Variants in NXPH1 observed in about 807,000 individuals in gnomAD.
The protein encoded by NXPH1 is neurexophilin 1, also known as neurexophilin-1.
In NXPH1, 5 loss-of-function variants were observed where a neutral mutation model predicts 23.7. The observed-to-expected ratio is 0.21, with a 90% CI of 0.11 to 0.44. The LOEUF (loss-of-function observed/expected upper bound fraction) is 0.44. NXPH1 is among the 20% of genes least tolerant of loss of function. The pLI is 0.99. For synonymous variants in NXPH1, 144 were observed against 122.2 expected (o/e 1.18, Z -1.18); for missense variants, 324 against 321.6 (o/e 1.01, Z -0.06).
At chr7:8,606,757 A>G (rs370616481) in intron 2 of NXPH1, among the ~76,000 whole-genome samples, 1 of 152,140 alleles carries the variant, frequency 6.6e-6, no homozygotes, top group Non-Finnish European at 1.5e-5. Flanking sequence ...ATATCCTCCT[A>G]GTCCAGTGAA....
Position 8,655,396 on chromosome 7 carries a change from GTCTT to G in NXPH1, c.55-95608_55-95605del, listed in dbSNP as rs1259393514. Among the ~76,000 whole-genome samples, 53 of 139,240 alleles carry G rather than the reference GTCTT, an allele frequency of 3.8e-4. 1 individual carries two copies. The highest frequency in any genetic ancestry group is 1.4e-3 in the African/African-American group (51 of 35,720). The allele number at this position is 139,240 out of a possible 152,430, so 91.3% of individuals were successfully genotyped here. A position where few individuals can be genotyped will look rare whatever the true frequency, so the allele number is the denominator to read the frequency against. On this transcript the variant is annotated intron_variant, in intron 2 of 2. Coordinates refer to ENST00000405863, the MANE Select transcript of NXPH1 (RefSeq NM_152745.3). ...GGAGTCTGTCTCTGTCTTTGTCTTT[GTCTT>G]TCTCTCTCTCTCTCTCTCTCTCTCT... is the stretch of plus-strand genomic sequence containing the variant.
intron 2 of NXPH1, among the ~76,000 whole-genome samples, chr7:8,635,326 A>G (rs1443995608): frequency 6.6e-6 from 1 of 152,208 alleles, no homozygotes; most frequent in Non-Finnish European, 1.5e-5. Flanking sequence ...ATCTCACATC[A>G]CATTCTATTT....
chr7:8,527,271 C>T (rs974673356), intron 2 of NXPH1, among the ~76,000 whole-genome samples: 2 of 152,198 alleles, frequency 1.3e-5, no homozygotes, highest in African/African-American at 4.8e-5. Context: ...TCCCATGCAG[C>T]CTCAGCTTTT....
At position 8,508,677 on chromosome 7, in the gene NXPH1, T is replaced by G. The variant is rs1381862122; in HGVS notation, c.54+72910T>G. On this transcript the variant is annotated intron_variant, in intron 2 of 2. Coordinates refer to ENST00000405863, the MANE Select transcript of NXPH1 (RefSeq NM_152745.3). ...TATGTCTTGAATGTAAATCCTGGAGTTCAGAGGCTACAGCTATTTCTTCTA... is the reference window on the plus strand; with the variant it reads ...TATGTCTTGAATGTAAATCCTGGAGGTCAGAGGCTACAGCTATTTCTTCTA... Among the ~76,000 whole-genome samples, 6 of 151,914 alleles carry G rather than the reference T, an allele frequency of 3.9e-5. No individual in the cohort carries two copies. In the East Asian group the frequency reaches 1.2e-3, roughly 29 times the overall value.
chr7:8,542,200 AAG>A (rs908395410), intron 2 of NXPH1, among the ~76,000 whole-genome samples: 2 of 151,586 alleles, frequency 1.3e-5, no homozygotes, highest in Admixed American at 6.6e-5. Context: ...TTTAATATAA[AAG>A]TGGATCTGTG....
intron 2 of NXPH1, among the ~76,000 whole-genome samples, chr7:8,632,493 A>C (rs1357698851): frequency 6.6e-6 from 1 of 152,142 alleles, no homozygotes; most frequent in Non-Finnish European, 1.5e-5. Flanking sequence ...GTGGGAAATC[A>C]GTCACTTTAA....
At chr7:8,726,866 G>A (rs2115211842) in intron 2 of NXPH1, among the ~76,000 whole-genome samples, 2 of 152,062 alleles carry the variant, frequency 1.3e-5, no homozygotes, top group African/African-American at 4.8e-5. Context: ...TGGGATGGCT[G>A]GGTCAAATGG....
chr7:8,436,371 C>A (rs1380600298), intron 2 of NXPH1, among the ~76,000 whole-genome samples: 2 of 152,210 alleles, frequency 1.3e-5, no homozygotes, highest in Non-Finnish European at 2.9e-5. Context: ...CTCGACCTCC[C>A]CTTTTCATCA....
At chr7:8,521,454 G>T (rs1482972735) in intron 2 of NXPH1, among the ~76,000 whole-genome samples, 1 of 152,090 alleles carries the variant, frequency 6.6e-6, no homozygotes, top group Admixed American at 6.6e-5. Flanking sequence ...TGTCACTTCT[G>T]GGCCAAGGCA....
At chr7:8,680,828 A>G (rs900288375) in intron 2 of NXPH1, among the ~76,000 whole-genome samples, 2 of 152,250 alleles carry the variant, frequency 1.3e-5, no homozygotes, top group African/African-American at 2.4e-5. Flanking sequence ...TTTATATGCA[A>G]TAAAGTGCTA....
chr7:8,435,797 A>C lies in NXPH1; in HGVS notation c.54+30A>C, dbSNP rs1479003127. 6.8e-6 allele frequency: 11 copies of C among 1,610,676 alleles called. No individual in the cohort carries two copies. The highest frequency in any genetic ancestry group is 1.3e-5 in the African/African-American group (1 of 74,734). The stretch of plus-strand genomic sequence containing the variant: ...GTCTTGGAAGGTTCGGGGCTTTCGC[A>C]TTTTTACCCCGGCCGGGAGGCAAGG... On this transcript the variant is annotated intron_variant, in intron 2 of 2. Transcript: ENST00000405863. The surrounding 1 kb of genome is among the most constrained non-coding windows in gnomAD (Gnocchi z 5.9).
chr7:8,647,519 T>C (rs1302369416), intron 2 of NXPH1, among the ~76,000 whole-genome samples: 1 of 152,116 alleles, frequency 6.6e-6, no homozygotes, highest in Non-Finnish European at 1.5e-5. Context: ...CATTTATGAA[T>C]GTTTAGGTTT....
At chr7:8,511,221 A>G (rs17332853) in intron 2 of NXPH1, among the ~76,000 whole-genome samples, 14,836 of 152,132 alleles carry the variant, frequency 0.098, 798 homozygotes, top group Middle Eastern at 0.18. Context: ...CATTACTCAT[A>G]TCTCATTTGT....
intron 2 of NXPH1, among the ~76,000 whole-genome samples, chr7:8,559,436 C>T (rs1818407555): frequency 6.6e-6 from 1 of 151,674 alleles, no homozygotes; most frequent in African/African-American, 2.4e-5. Flanking sequence ...AATTCATAAA[C>T]ACCAGACAAA....
chr7:8,633,153 C>T (rs1361767760), intron 2 of NXPH1, among the ~76,000 whole-genome samples: 3 of 152,172 alleles, frequency 2.0e-5, no homozygotes, highest in Admixed American at 1.3e-4. Flanking sequence ...AAGTAACAGG[C>T]CGGGCATGGT....
intron 2 of NXPH1, among the ~76,000 whole-genome samples, chr7:8,478,122 G>C (rs924588338): frequency 2.0e-5 from 3 of 152,104 alleles, no homozygotes; most frequent in Non-Finnish European, 4.4e-5. Context: ...GGATTGTCTA[G>C]TTGGAAATTA....
intron 2 of NXPH1, among the ~76,000 whole-genome samples, chr7:8,670,531 C>A (rs1018440957): frequency 1.3e-5 from 2 of 152,092 alleles, no homozygotes; most frequent in Non-Finnish European, 2.9e-5. Flanking sequence ...ATCTTTTCTG[C>A]CAACATGTCC....
chr7:8,436,267 G>C (rs148373285), intron 2 of NXPH1, among the ~76,000 whole-genome samples: 1 of 152,148 alleles, frequency 6.6e-6, no homozygotes. Flanking sequence ...GACTTGTAAG[G>C]GTTCCGACAG....
chr7:8,715,469 A>G (rs1779862363), intron 2 of NXPH1, among the ~76,000 whole-genome samples: 1 of 152,056 alleles, frequency 6.6e-6, no homozygotes, highest in African/African-American at 2.4e-5. Context: ...AGGGAGGACA[A>G]TTGGGTGTCA....
Sources: allele counts gnomAD v4.1 joint callset (sites outside exome capture counted in the v4.1 genomes callset), GRCh38; gene constraint gnomAD v4.1.1; non-coding constraint Gnocchi (gnomAD v3.1); transcripts MANE v1.5; gene names NCBI Gene and HGNC (gene_info 2026-07-23, HGNC 2026-07-21).